LAMB2: variants seen among roughly 807,000 people sequenced by gnomAD.
LAMB2 encodes the protein laminin subunit beta-2.
Under a neutral mutation model 202.7 loss-of-function variants are expected in LAMB2, and 119 were observed. The ratio of observed to expected loss-of-function variants is 0.59; its 90% confidence interval spans 0.51 to 0.68. LAMB2 has a LOEUF of 0.68. Among genes scored for constraint, LAMB2 ranks in the 30% least tolerant of loss-of-function variants. The pLI is 0.00. For missense variants in LAMB2, 2,124 were observed against 2,410.6 expected (o/e 0.88, Z 2.49); for synonymous variants, 818 against 902.2 (o/e 0.91, Z 1.67).
chr3:49,123,838 G>T lies in LAMB2; in HGVS notation c.3687C>A (p.Ser1229Arg). The T allele has an allele frequency of 6.2e-7, 1 of 1,613,248 alleles. No homozygotes were observed. Among genetic ancestry groups the T allele is most frequent in the Non-Finnish European group, 8.5e-7 (1 of 1,179,838 alleles). ...QQTGVLGAFE[S>R]SFWHMQEKLG... Reference sequence around the variant, plus strand: ...GCTTCTCCTGCATGTGCCAGAAGCTGCTCTCAAAGGCACCCAGCACACCCG... The same window carrying T: ...GCTTCTCCTGCATGTGCCAGAAGCTTCTCTCAAAGGCACCCAGCACACCCG... The change falls in exon 24 of 32, where the codon AGC (serine) becomes AGA (arginine). Residue 1229 changes from serine to arginine, a missense_variant. Physicochemically the swap from Ser to Arg is moderately radical, Grantham distance 110. Around this residue, in one of 3 missense-constraint regions of LAMB2, gnomAD observed 1,702 missense variants for 1,896.3 expected, o/e 0.90. Transcript: ENST00000305544.
Position 49,129,196 on chromosome 3 carries a change from G to A in LAMB2, c.1599-44C>T, listed in dbSNP as rs781377449. ...TTACTCAAGAAGAACCTTCTCTTCT[G>A]CTCAGGATCTTTCCCCATCCCTTCC... On this transcript the variant is annotated intron_variant, in intron 12 of 31. Coordinates refer to ENST00000305544, the MANE Select transcript of LAMB2 (RefSeq NM_002292.4). This position sits in a 1 kb window ranked among gnomAD's most constrained non-coding sequence, Gnocchi z 6.1. 1 of 1,614,118 alleles carries A rather than the reference G, an allele frequency of 6.2e-7. No individual in the cohort carries two copies. Among genetic ancestry groups the A allele is most frequent in the Non-Finnish European group, 8.5e-7 (1 of 1,180,030 alleles).
Position 49,125,444 on chromosome 3 carries a change from A to G in LAMB2, c.2529T>C (p.Cys843=). ...AGAGACATTGCCCACTGGTCTTTTC[A>G]CAGAGACTGCTGAGTGCCCCCTCGT... is the stretch of plus-strand genomic sequence containing the variant. ...CSHEGALSSL[C]EKTSGQCLCR... The change falls in exon 19 of 32, where the codon TGT becomes TGC. Residue 843 remains cysteine (C), a synonymous_variant. Coordinates refer to ENST00000305544, the MANE Select transcript of LAMB2 (RefSeq NM_002292.4). The G allele has an allele frequency of 1.2e-6, 2 of 1,612,912 alleles. No individual in the cohort carries two copies. The highest frequency in any genetic ancestry group is 1.7e-6 in the Non-Finnish European group (2 of 1,179,594).
chr3:49,128,924 C>G lies in LAMB2; in HGVS notation c.1731+96G>C, dbSNP rs1454330871. On this transcript the variant is annotated intron_variant, in intron 13 of 31. Transcript: ENST00000305544. ...CTCCTGCCAAAGCTAGATATCACCC[C>G]TATCCCCTCAACAAGGTACTGCCCA... is the stretch of plus-strand genomic sequence containing the variant. 3 of 1,600,054 alleles carry G rather than the reference C, an allele frequency of 1.9e-6. 1 individual carries two copies. In the South Asian group the frequency reaches 3.3e-5, roughly 18 times the overall value.
chr3:49,131,708 C>T lies in LAMB2; in HGVS notation c.475G>A (p.Ala159Thr), dbSNP rs1197492912. 4 of 1,613,248 alleles carry T rather than the reference C, an allele frequency of 2.5e-6. No individual in the cohort carries two copies. The East Asian group carries it at 6.7e-5, about 27-fold the overall frequency. ...TCTGCTGAGCGTTCCACCAGCATGG[C>T]AGCAGGGCGAAATGTCTGGGTAGGG... ...IMTFKTFRPA[A>T]MLVERSADFG... The change falls in exon 5 of 32, where the codon GCC (alanine) becomes ACC (threonine). Residue 159 changes from alanine (A) to threonine (T), a missense_variant. Physicochemically the swap from Ala to Thr is moderately conservative, Grantham distance 58 (BLOSUM62 0). Transcript: ENST00000305544. The surrounding 1 kb of genome is among the most constrained non-coding windows in gnomAD (Gnocchi z 5.0).
At position 49,131,604 on chromosome 3, in the gene LAMB2, G is replaced by A. The variant is rs373908790; in HGVS notation, c.579C>T (p.Pro193=). The A allele has an allele frequency of 4.3e-6, 7 of 1,613,736 alleles. No homozygotes were observed. The African/African-American group carries it at 6.7e-5, about 15-fold the overall frequency. Residue 193 remains proline, a synonymous_variant, in exon 5 of 32, where the codon CCC becomes CCT. Transcript: ENST00000305544. The surrounding 1 kb of genome is among the most constrained non-coding windows in gnomAD (Gnocchi z 5.0). Reference sequence around the variant, plus strand: ...AGACTACATCATCCCAGTGCCGTGGGGGTGCTAGTGGGACTCCTGGGAAGT... The same window carrying A: ...AGACTACATCATCCCAGTGCCGTGGAGGTGCTAGTGGGACTCCTGGGAAGT... ...GADFPGVPLA[P]PRHWDDVVCE... is the part of the protein sequence containing the mutation.
In LAMB2 at chr3:49,132,878, G is replaced by A. The variant is rs367949497; in HGVS notation, c.-11C>T. ...TGAGGTCAGCTCCATCCTGAAGAGG[G>A]GAACAGGGATAAGGGGAGGTGAACG... On this transcript the variant is annotated 5_prime_UTR_variant, in exon 1 of 32. Transcript: ENST00000305544. This position sits in a 1 kb window ranked among gnomAD's most constrained non-coding sequence, Gnocchi z 4.6. 2 of 1,613,388 alleles carry A rather than the reference G, an allele frequency of 1.2e-6. No homozygotes were observed. The highest frequency in any genetic ancestry group is 2.2e-5 in the East Asian group (1 of 44,892).
chr3:49,123,958 G>A lies in LAMB2; in HGVS notation c.3567C>T (p.Pro1189=). The change falls in exon 24 of 32, where the codon CCC becomes CCT. Residue 1189 remains proline, a synonymous_variant. Transcript: ENST00000305544. ...GFSGIFPACH[P]CHACFGDWDR... ...CCCAATCCCCGAAGCATGCATGGCA[G>A]GGATGGCAGGCAGGAAAGATTCCTG... 1 of 1,613,452 alleles carries A rather than the reference G, an allele frequency of 6.2e-7. No individual in the cohort carries two copies. The highest frequency in any genetic ancestry group is 8.5e-7 in the Non-Finnish European group (1 of 1,180,040).
chr3:49,124,520 G>T lies in LAMB2; in HGVS notation c.3202C>A (p.Leu1068Ile). 1 of 1,613,844 alleles carries T rather than the reference G, an allele frequency of 6.2e-7. No individual in the cohort carries two copies. Among genetic ancestry groups the T allele is most frequent in the Non-Finnish European group, 8.5e-7 (1 of 1,180,030 alleles). ...CDPSSGQCPC[L>I]PNVQGPSCDR... ...CAGCTAGGGCCCTGGACATTGGGGA[G>T]GCATGGGCACTGCCCACTGCTTGGA... is the stretch of plus-strand genomic sequence containing the variant. Residue 1068 changes from leucine to isoleucine, a missense_variant, in exon 22 of 32, where the codon CTC becomes ATC. Leu to Ile is a conservative substitution (Grantham distance 5). Transcript: ENST00000305544.
rs962820469 is a variant in LAMB2 at position 49,132,858 on chromosome 3, T to C, written c.10A>G (p.Thr4Ala). ...TGTCCCCTCCCTCTTTCCCTTGAGG[T>C]CAGCTCCATCCTGAAGAGGGGAACA... MEL[T>A]SRERGRGQPL... The change falls in exon 1 of 32, where the codon ACC becomes GCC. Residue 4 changes from threonine to alanine, a missense_variant. Thr to Ala is a moderately conservative substitution (Grantham distance 58, BLOSUM62 0). Coordinates refer to ENST00000305544, the MANE Select transcript of LAMB2 (RefSeq NM_002292.4). The surrounding 1 kb of genome is among the most constrained non-coding windows in gnomAD (Gnocchi z 4.6). The C allele has an allele frequency of 3.1e-6, 5 of 1,613,876 alleles. No individual in the cohort carries two copies. Among genetic ancestry groups the C allele is most frequent in the Non-Finnish European group, 4.2e-6 (5 of 1,179,986 alleles).
In LAMB2 at chr3:49,129,974, C is replaced by G; in HGVS notation, c.1270G>C (p.Asp424His). 1 of 1,613,940 alleles carries G rather than the reference C, an allele frequency of 6.2e-7. No individual in the cohort carries two copies. The highest frequency in any genetic ancestry group is 8.5e-7 in the Non-Finnish European group (1 of 1,179,996). Residue 424 changes from aspartate (D) to histidine (H), a missense_variant, in exon 10 of 32, where the codon GAT becomes CAT. Asp to His is a moderately conservative substitution (Grantham distance 81, BLOSUM62 -1). Around this residue, in one of 3 missense-constraint regions of LAMB2, gnomAD observed 1,702 missense variants for 1,896.3 expected, o/e 0.90. Transcript: ENST00000305544. The surrounding 1 kb of genome is among the most constrained non-coding windows in gnomAD (Gnocchi z 6.1). The part of the protein sequence containing the change: ...PMGSQDGGRC[D>H]SHDDPALGLV... ...CCCAGTGCAGGGTCATCATGGGAAT[C>G]ACAGCGACCACCGTCTTGAGAACCC...
chr3:49,124,700 C>A lies in LAMB2; in HGVS notation c.3109+1G>T, dbSNP rs888830612. Reference sequence around the variant, plus strand: ...CCATGCCCTCCCACACTCATACTCACGGTGACAGCTCTGTCGGGCAGCCTG... The same window carrying A: ...CCATGCCCTCCCACACTCATACTCAAGGTGACAGCTCTGTCGGGCAGCCTG... On this transcript the variant is annotated splice_donor_variant, in intron 21 of 31. Coordinates refer to ENST00000305544, the MANE Select transcript of LAMB2 (RefSeq NM_002292.4). LOFTEE classifies it high-confidence loss of function. The A allele has an allele frequency of 3.7e-6, 6 of 1,614,170 alleles. No individual in the cohort carries two copies. The highest frequency in any genetic ancestry group is 5.1e-6 in the Non-Finnish European group (6 of 1,180,012).
chr3:49,129,107 A>G lies in LAMB2; in HGVS notation c.1644T>C (p.Val548=). 1 of 1,614,026 alleles carries G rather than the reference A, an allele frequency of 6.2e-7. No homozygotes were observed. Among genetic ancestry groups the G allele is most frequent in the Non-Finnish European group, 8.5e-7 (1 of 1,180,044 alleles). ...TGQCHCRQHM[V]GRRCEQVQPG... ...GTTGCACCTGCTCACAGCGTCGCCC[A>G]ACCATGTGCTGGCGGCAGTGGCATT... Residue 548 remains valine, a synonymous_variant, in exon 13 of 32, where the codon GTT becomes GTC. Coordinates refer to ENST00000305544, the MANE Select transcript of LAMB2 (RefSeq NM_002292.4). The surrounding 1 kb of genome is among the most constrained non-coding windows in gnomAD (Gnocchi z 6.1).
chr3:49,122,239 C>T lies in LAMB2; in HGVS notation c.4705G>A (p.Val1569Met), dbSNP rs758782589. The change falls in exon 28 of 32, where the codon GTG (valine) becomes ATG (methionine). Residue 1569 changes from valine to methionine, a missense_variant. By Grantham distance (21) the Val-to-Met change is conservative. Around this residue, in one of 3 missense-constraint regions of LAMB2, gnomAD observed 1,702 missense variants for 1,896.3 expected, o/e 0.90. Coordinates refer to ENST00000305544, the MANE Select transcript of LAMB2 (RefSeq NM_002292.4). ...ACAGTACGTGCCAGGATCGCATCCA[C>T]ATCTGCCAGGCTCCGGACTCGCTCT... ...IAERVRSLAD[V>M]DAILARTVGD... The T allele has an allele frequency of 9.3e-6, 15 of 1,613,526 alleles. No individual in the cohort carries two copies. The highest frequency in any genetic ancestry group is 1.2e-5 in the Non-Finnish European group (14 of 1,180,044).
chr3:49,132,245 A>C lies in LAMB2; in HGVS notation c.385+25T>G. Reference sequence around the variant, plus strand: ...AAGCTACTGGTGGGCAGCCCTGCTCACTTTTGCCCCACCCATGGCCTCACC... The same window carrying C: ...AAGCTACTGGTGGGCAGCCCTGCTCCCTTTTGCCCCACCCATGGCCTCACC... On this transcript the variant is annotated intron_variant, in intron 3 of 31. Coordinates refer to ENST00000305544, the MANE Select transcript of LAMB2 (RefSeq NM_002292.4). This position sits in a 1 kb window ranked among gnomAD's most constrained non-coding sequence, Gnocchi z 4.6. The C allele has an allele frequency of 1.2e-6, 2 of 1,614,162 alleles. No individual in the cohort carries two copies. The highest frequency in any genetic ancestry group is 1.7e-6 in the Non-Finnish European group (2 of 1,180,022).
Position 49,132,813 on chromosome 3 carries a change from G to C in LAMB2, c.55C>G (p.Arg19Gly), listed in dbSNP as rs1426931887. Residue 19 changes from arginine (R) to glycine (G), a missense_variant, in exon 1 of 32, where the codon CGA becomes GGA. By Grantham distance (125) the Arg-to-Gly change is moderately radical (BLOSUM62 -2). Around this residue, in one of 3 missense-constraint regions of LAMB2, gnomAD observed 166 missense variants for 158.2 expected, o/e 1.05. Coordinates refer to ENST00000305544, the MANE Select transcript of LAMB2 (RefSeq NM_002292.4). The surrounding 1 kb of genome is among the most constrained non-coding windows in gnomAD (Gnocchi z 4.6). ...TCACCGCTTAGCAGTAGGCCCAGTC[G>C]AAGTTCCCAGGGCAGAGGCTGTCCC... is the stretch of plus-strand genomic sequence containing the variant. ...GRGQPLPWEL[R>G]LGLLLSVLAA... The C allele has an allele frequency of 6.2e-7, 1 of 1,614,168 alleles. No homozygotes were observed. Among genetic ancestry groups the C allele is most frequent in the Non-Finnish European group, 8.5e-7 (1 of 1,180,032 alleles).
Position 49,123,044 on chromosome 3 carries a change from C to T in LAMB2, c.4233G>A (p.Gly1411=). The change falls in exon 27 of 32, where the codon GGG becomes GGA. Residue 1411 remains glycine, a synonymous_variant. Transcript: ENST00000305544. ...TAGCACAGGGTGCATCCCCTGGTGC[C>T]CCACACACCTGCCAGGCACAGAACA... is the stretch of plus-strand genomic sequence containing the variant. ...SLTDINELVC[G]APGDAPCATS... The T allele has an allele frequency of 6.2e-7, 1 of 1,607,154 alleles. No individual in the cohort carries two copies. Among genetic ancestry groups the T allele is most frequent in the Non-Finnish European group, 8.5e-7 (1 of 1,179,988 alleles).
At position 49,123,389 on chromosome 3, in the gene LAMB2, G is replaced by A. The variant is rs767948003; in HGVS notation, c.3983-16C>T. 1.9e-6 allele frequency: 3 copies of A among 1,614,010 alleles called. No homozygotes were observed. On this transcript the variant is annotated splice_polypyrimidine_tract_variant and intron_variant, in intron 25 of 31. Transcript: ENST00000305544. ...TCATAGGCACCTAAATTGGGCAGAG[G>A]CAGACAGTCAGCTGAAGACTGACCC...
At position 49,131,338 on chromosome 3, in the gene LAMB2, C is replaced by T. The variant is rs372658795; in HGVS notation, c.712+41G>A. On this transcript the variant is annotated intron_variant, in intron 6 of 31. Coordinates refer to ENST00000305544, the MANE Select transcript of LAMB2 (RefSeq NM_002292.4). This position sits in a 1 kb window ranked among gnomAD's most constrained non-coding sequence, Gnocchi z 5.0. Reference sequence around the variant, plus strand: ...ACTGAGGCCCCAAATAGTCCCTAGCCGGACACGGACTGTGCCAGACTCAAA... The same window carrying T: ...ACTGAGGCCCCAAATAGTCCCTAGCTGGACACGGACTGTGCCAGACTCAAA... 5.1e-5 allele frequency: 82 copies of T among 1,604,962 alleles called. No homozygotes were observed. Among genetic ancestry groups the T allele is most frequent in the African/African-American group, 2.9e-4 (22 of 74,706 alleles).
At position 49,122,705 on chromosome 3, in the gene LAMB2, G is replaced by A. The variant is rs1389016252; in HGVS notation, c.4572C>T (p.Asn1524=). The change falls in exon 27 of 32, where the codon AAC becomes AAT. Residue 1524 remains asparagine (N), a splice_region_variant and synonymous_variant. Coordinates refer to ENST00000305544, the MANE Select transcript of LAMB2 (RefSeq NM_002292.4). ...ELIQSVKDFL[N]QEGADPDSIE... is the part of the protein sequence containing the mutation. ...GCCTGGGACACGTGGGAGGCTCACG[G>A]TTGAGGAAGTCCTTCACACTCTGGA... 1 of 1,613,266 alleles carries A rather than the reference G, an allele frequency of 6.2e-7. No individual in the cohort carries two copies.
Sources: gnomAD v4.1 joint callset for allele counts on GRCh38, gnomAD v4.1.1 for gene constraint, gnomAD v4.1.1 regional missense constraint, Gnocchi (gnomAD v3.1) non-coding constraint, MANE v1.5 for transcripts, NCBI Gene and HGNC (gene_info 2026-07-23, HGNC 2026-07-21) for gene names.